Variants in OTUD4 observed in about 807,000 individuals in gnomAD.
OTUD4 encodes the protein OTU domain-containing protein 4.
In OTUD4, 24 loss-of-function variants were observed where a neutral mutation model predicts 130.4. That is an observed-to-expected ratio of 0.18 (90% CI 0.13 to 0.26). The LOEUF (loss-of-function observed/expected upper bound fraction) is 0.26. Ranked by LOEUF, OTUD4 falls within the 10% of genes least tolerant of loss-of-function variation. The pLI is 1.00. For synonymous variants in OTUD4, 420 were observed against 472.5 expected (o/e 0.89, Z 1.44); for missense variants, 1,031 against 1,329.4 (o/e 0.78, Z 3.49).
At chr4:145,169,322 G>A (rs970104619) in intron 3 of OTUD4, among the ~76,000 whole-genome samples, 65 of 152,124 alleles carry the variant, frequency 4.3e-4, no homozygotes, top group East Asian at 1.9e-4. Context: ...ACATATTCTC[G>A]CACAAGTTTG....
rs1437445579 is a variant in OTUD4 at position 145,137,214 on chromosome 4, A to C, written c.*216T>G. 2.3e-6 allele frequency: 1 copy of C among 438,360 alleles called. No homozygotes were observed. The highest frequency in any genetic ancestry group is 4.0e-6 in the Non-Finnish European group (1 of 248,924). The allele number at this position is 438,360 out of a possible 1,614,324, so 27.2% of individuals were successfully genotyped here. On this transcript the variant is annotated 3_prime_UTR_variant, in exon 21 of 21. Transcript: ENST00000447906. The stretch of plus-strand genomic sequence containing the variant: ...ACGGGGACAGTCACTTGATCAACAA[A>C]CAGATTCTGAATGAAGAAAACTGGC...
chr4:145,151,002 G>T, intron 11 of OTUD4, 97 bp from the exon 12 acceptor site: 1 of 669,686 alleles, frequency 1.5e-6, no homozygotes, highest in Non-Finnish European at 2.3e-6. Context: ...AGAATTTCTA[G>T]TTTTATTTCT....
chr4:145,139,020 A>G (rs1211654937), intron 20 of OTUD4, among the ~76,000 whole-genome samples: 1 of 152,174 alleles, frequency 6.6e-6, no homozygotes, highest in Non-Finnish European at 1.5e-5. Flanking sequence ...TGGGAATGTC[A>G]GTATAAGAGT....
At chr4:145,167,315 T>G (rs1455382589) in intron 3 of OTUD4, among the ~76,000 whole-genome samples, 1 of 152,220 alleles carries the variant, frequency 6.6e-6, no homozygotes, top group Admixed American at 6.5e-5. Flanking sequence ...ACCAGCACAA[T>G]CTTTTCCCTC....
Position 145,138,220 on chromosome 4 carries a change from G to C in OTUD4, c.2555C>G (p.Pro852Arg). The C allele has an allele frequency of 6.2e-7, 1 of 1,614,006 alleles. No individual in the cohort carries two copies. The highest frequency in any genetic ancestry group is 8.5e-7 in the Non-Finnish European group (1 of 1,179,878). Residue 852 changes from proline to arginine, a missense_variant, in exon 21 of 21, where the codon CCT becomes CGT. Pro to Arg is a moderately radical substitution (Grantham distance 103). This residue lies in a region of OTUD4 where 900 missense variants were observed against 1,095.9 expected (regional missense o/e 0.82). Transcript: ENST00000447906. ...FGPNPFLGPVPIAPPFFPHVW... is the reference protein window; with the variant it reads ...FGPNPFLGPVRIAPPFFPHVW... ...ATGAGGAAAGAAAGGAGGTGCAATA[G>C]GAACTGGGCCTAAGAATGGATTGGG...
chr4:145,151,153 TTAAA>T (rs1159197231), intron 11 of OTUD4, among the ~76,000 whole-genome samples: 1 of 152,098 alleles, frequency 6.6e-6, no homozygotes, highest in East Asian at 1.9e-4. Context: ...TAAGCAAAAG[TTAAA>T]TAAATACAGA....
chr4:145,164,086 T>G, intron 5 of OTUD4, 68 bp downstream of exon 5: 3 of 681,118 alleles, frequency 4.4e-6, no homozygotes, highest in Non-Finnish European at 7.8e-6. Context: ...TTATAGCTTA[T>G]GAGGTCATGG....
At position 145,139,594 on chromosome 4, in the gene OTUD4, C is replaced by G. The variant is rs577066344; in HGVS notation, c.2124+357G>C. Among the ~76,000 whole-genome samples the G allele has an allele frequency of 4.6e-5, 7 of 152,310 alleles. No homozygotes were observed. The South Asian group carries it at 1.4e-3, about 32-fold the overall frequency. On this transcript the variant is annotated intron_variant, in intron 20 of 20. Coordinates refer to ENST00000447906, the MANE Select transcript of OTUD4 (RefSeq NM_001366057.1). ...ATGAAAAAAGCTAGGCCCAGATACA[C>G]TACATGGCTTGCCCAGGGAAATTCA... is the stretch of plus-strand genomic sequence containing the variant.
At chr4:145,174,376 T>C (rs36224528) in intron 2 of OTUD4, among the ~76,000 whole-genome samples, 4,125 of 152,272 alleles carry the variant, frequency 0.027, 76 homozygotes, top group Admixed American at 0.04. Flanking sequence ...CCACTCTTAG[T>C]ATGCAAGGGC....
chr4:145,159,712 GT>G, intron 6 of OTUD4, 77 bp from the exon 7 acceptor site: 1 of 1,353,884 alleles, frequency 7.4e-7, no homozygotes, highest in Non-Finnish European at 1.0e-6. Context: ...CCATCACATT[GT>G]AACTTTCTAT....
chr4:145,155,480 T>TAAA lies in OTUD4; in HGVS notation c.809-8_809-6dup. ...AATAATCACGTTTTTGCTGAGCTGT[T>TAAA]AAAAAAAAAAAGGTCAGTATAATAT... On this transcript the variant is annotated splice_polypyrimidine_tract_variant and splice_region_variant and intron_variant, in intron 9 of 20. Coordinates refer to ENST00000447906, the MANE Select transcript of OTUD4 (RefSeq NM_001366057.1). 1 of 1,335,914 alleles carries TAAA rather than the reference T, an allele frequency of 7.5e-7. No homozygotes were observed. Among genetic ancestry groups the TAAA allele is most frequent in the Non-Finnish European group, 1.0e-6 (1 of 965,902 alleles). 82.8% of individuals were successfully genotyped at this position (1,335,914 alleles called of 1,614,324 possible).
intron 3 of OTUD4, among the ~76,000 whole-genome samples, chr4:145,166,607 C>T (rs1049838109): frequency 2.6e-5 from 4 of 152,092 alleles, no homozygotes; most frequent in African/African-American, 7.2e-5. Flanking sequence ...TTTGGGAGGC[C>T]GAGACAGGCA....
chr4:145,146,221 G>C (rs1003546931), intron 14 of OTUD4, 46 bp downstream of exon 14: 1 of 1,321,240 alleles, frequency 7.6e-7, no homozygotes, highest in Non-Finnish European at 1.0e-6. Context: ...ACTATATTAA[G>C]AGAAACTTCT....
rs1284042318 is a variant in OTUD4 at position 145,135,481 on chromosome 4, TA to T, written c.*1948del. ...GTTTGTATCAAAATGTGATTTTCATTAAAATCAGGTAAGCTAGTCCTACATA... is the reference window on the plus strand; with the variant it reads ...GTTTGTATCAAAATGTGATTTTCATTAAATCAGGTAAGCTAGTCCTACATA... On this transcript the variant is annotated 3_prime_UTR_variant, in exon 21 of 21. Coordinates refer to ENST00000447906, the MANE Select transcript of OTUD4 (RefSeq NM_001366057.1). 6.6e-6 allele frequency: 1 copy of T among 152,204 alleles called. No homozygotes were observed. The highest frequency in any genetic ancestry group is 1.5e-5 in the Non-Finnish European group (1 of 68,044). The allele number at this position is 152,204 out of a possible 1,614,324, so 9.4% of individuals were successfully genotyped here.
chr4:145,142,081 C>G, intron 18 of OTUD4, 115 bp downstream of exon 18: 2 of 849,422 alleles, frequency 2.4e-6, no homozygotes, highest in South Asian at 1.6e-5. Flanking sequence ...ACAGAAAGCT[C>G]TGTGAGGCTC....
chr4:145,137,471 T>C lies in OTUD4; in HGVS notation c.3304A>G (p.Arg1102Gly), dbSNP rs1291038499. Reference protein sequence around the residue: ...RGRPFRGDRRRSGMGDGHRGQ... With the variant: ...RGRPFRGDRRGSGMGDGHRGQ... ...CTATGGCCATCTCCCATCCCTGATC[T>C]CCTCCTATCTCCCCTAAATGGTCGC... Residue 1102 changes from arginine (R) to glycine (G), a missense_variant, in exon 21 of 21, where the codon AGA (arginine) becomes GGA (glycine). By Grantham distance (125) the Arg-to-Gly change is moderately radical (BLOSUM62 -2). Around this residue, in one of 3 missense-constraint regions of OTUD4, gnomAD observed 900 missense variants for 1,095.9 expected, o/e 0.82. Transcript: ENST00000447906. 1 of 1,611,880 alleles carries C rather than the reference T, an allele frequency of 6.2e-7. No individual in the cohort carries two copies. The highest frequency in any genetic ancestry group is 8.5e-7 in the Non-Finnish European group (1 of 1,178,544).
At chr4:145,175,855 T>G (rs1463479657) in intron 1 of OTUD4, among the ~76,000 whole-genome samples, 5 of 151,236 alleles carry the variant, frequency 3.3e-5, no homozygotes, top group Admixed American at 3.3e-4. Context: ...CTGAAACAAC[T>G]ATTTCTTATC....
At position 145,148,499 on chromosome 4, in the gene OTUD4, CA is replaced by C. The variant is rs1266356650; in HGVS notation, c.1259+2013del. Among the ~76,000 whole-genome samples, 638 of 93,714 alleles carry C rather than the reference CA, an allele frequency of 6.8e-3. 1 individual carries two copies. The highest frequency in any genetic ancestry group is 9.6e-3 in the Non-Finnish European group (435 of 45,426). 61.5% of individuals were successfully genotyped at this position (93,714 alleles called of 152,430 possible). ...GGGCAACAAGAGTGAAACTCCGTCT[CA>C]AAAAAAAAAAAAAACTGTTGATTAA... is the stretch of plus-strand genomic sequence containing the variant. On this transcript the variant is annotated intron_variant, in intron 13 of 20. Transcript: ENST00000447906.
intron 20 of OTUD4, among the ~76,000 whole-genome samples, chr4:145,139,556 C>T (rs1750457206): frequency 6.6e-6 from 1 of 152,094 alleles, no homozygotes; most frequent in Non-Finnish European, 1.5e-5. Flanking sequence ...AGAATATTAC[C>T]CCCATTCTAT....
Sources: gnomAD v4.1 joint callset for allele counts (sites outside exome capture counted in the v4.1 genomes callset) on GRCh38, gnomAD v4.1.1 for gene constraint, gnomAD v4.1.1 regional missense constraint, MANE v1.5 for transcripts, NCBI Gene and HGNC (gene_info 2026-07-23, HGNC 2026-07-21) for gene names.